DNAH8: variants seen among roughly 807,000 people sequenced by gnomAD.
DNAH8 encodes the protein axonemal beta dynein heavy chain 8.
Under a neutral mutation model 562.1 loss-of-function variants are expected in DNAH8, and 382 were observed. The ratio of observed to expected loss-of-function variants is 0.68; its 90% CI spans 0.63 to 0.74. The LOEUF (loss-of-function observed/expected upper bound fraction) is 0.74. Ranked by LOEUF, DNAH8 falls within the 30% of genes least tolerant of loss-of-function variation. The pLI is 0.00. For missense variants in DNAH8, 5,203 were observed against 5,620.4 expected (o/e 0.93, Z 2.37); for synonymous variants, 1,881 against 1,919.4 (o/e 0.98, Z 0.52).
At chr6:38,744,216 A>G (rs1275911363) in intron 8 of DNAH8, 2 of 152,160 alleles carry the variant, frequency 1.3e-5, no homozygotes, top group African/African-American at 4.8e-5. Flanking sequence ...TTTGGCATCA[A>G]TATAGTAGTG....
intron 11 of DNAH8, 57 bp from the exon 12 acceptor site, chr6:38,770,356 C>T (rs941495751): frequency 1.5e-5 from 18 of 1,218,256 alleles, no homozygotes; most frequent in Admixed American, 1.3e-4. Context: ...TTTGAATTTT[C>T]GATTCCTGAA....
intron 11 of DNAH8, chr6:38,764,794 T>A (rs904245772): frequency 4.4e-5 from 5 of 113,848 alleles, no homozygotes; most frequent in African/African-American, 1.5e-4. Flanking sequence ...TATTTGTATG[T>A]TTTTTTTTTG....
chr6:38,781,596 A>C (rs1474333766), intron 16 of DNAH8, among the ~76,000 whole-genome samples: 2 of 152,204 alleles, frequency 1.3e-5, no homozygotes, highest in Non-Finnish European at 2.9e-5. Context: ...AAAGTCAGTG[A>C]ATCTTATAAT....
chr6:38,791,633 A>T lies in DNAH8; in HGVS notation c.2860A>T (p.Ser954Cys). Residue 954 changes from serine to cysteine, a missense_variant, in exon 21 of 93, where the codon AGT becomes TGT. Physicochemically the swap from Ser to Cys is moderately radical, Grantham distance 112 (BLOSUM62 -1). Transcript: ENST00000327475. ...AKTVLISLPE[S>C]GATKVEDMLT... is the part of the protein sequence containing the mutation. ...AACTGTGTTGATTTCTCTGCCTGAA[A>T]GTGGTGCTACCAAAGTAGAAGATAT... 11 of 1,614,040 alleles carry T rather than the reference A, an allele frequency of 6.8e-6. No homozygotes were observed. Among genetic ancestry groups the T allele is most frequent in the Non-Finnish European group, 9.3e-6 (11 of 1,179,952 alleles).
intron 1 of DNAH8, among the ~76,000 whole-genome samples, chr6:38,716,208 A>G (rs1762332599): frequency 6.7e-6 from 1 of 150,124 alleles, no homozygotes; most frequent in Non-Finnish European, 1.5e-5. Context: ...TGATCCGCCC[A>G]CCTCGGCCTC....
chr6:38,772,081 T>C (rs1582961681), intron 12 of DNAH8, among the ~76,000 whole-genome samples: 1 of 147,496 alleles, frequency 6.8e-6, no homozygotes, highest in Non-Finnish European at 1.5e-5. Flanking sequence ...CAGGCCAGAG[T>C]GCAGTGGCGT....
intron 37 of DNAH8, 127 bp from the exon 38 acceptor site, chr6:38,850,124 T>C (rs1775624558): frequency 1.2e-6 from 1 of 835,810 alleles, no homozygotes. Context: ...AAATTGTCTG[T>C]TTAAATTATG....
intron 3 of DNAH8, among the ~76,000 whole-genome samples, chr6:38,729,636 A>C (rs1164333869): frequency 6.6e-6 from 1 of 152,172 alleles, no homozygotes; most frequent in African/African-American, 2.4e-5. Context: ...AGTTGGACTC[A>C]CCTATTTAAC....
chr6:38,867,081 G>C (rs1297984803), intron 47 of DNAH8, among the ~76,000 whole-genome samples: 1 of 152,134 alleles, frequency 6.6e-6, no homozygotes, highest in Non-Finnish European at 1.5e-5. Flanking sequence ...AGTTGCAAAG[G>C]AATGTACAGG....
rs546536222 is a variant in DNAH8, at chr6:38,805,574, A to T, written c.3128A>T (p.Asp1043Val). The change falls in exon 23 of 93, where the codon GAT becomes GTT. Residue 1043 changes from aspartate (D) to valine (V), a missense_variant. Coordinates refer to ENST00000327475, the MANE Select transcript of DNAH8 (RefSeq NM_001206927.2). ...ANIVNEFDTH[D>V]KEDEFKKECK... ...ATTGTGAATGAGTTTGATACTCATG[A>T]TAAAGAAGATGAATTTAAAAAGGTA... is the stretch of plus-strand genomic sequence containing the variant. The T allele has an allele frequency of 2.3e-5, 36 of 1,561,014 alleles. 1 individual carries two copies. In the South Asian group the frequency reaches 3.7e-4, roughly 16 times the overall value.
intron 4 of DNAH8, among the ~76,000 whole-genome samples, chr6:38,733,241 G>GAA: frequency 1.1e-5 from 1 of 87,068 alleles, no homozygotes; most frequent in East Asian, 2.0e-4. Flanking sequence ...GCTGCAAATA[G>GAA]AAGGCTGTTG....
At chr6:38,789,720 T>C (rs1013239455) in intron 18 of DNAH8, 83 bp from the exon 19 acceptor site, 11 of 1,049,838 alleles carry the variant, frequency 1.0e-5, no homozygotes, top group African/African-American at 1.6e-5. Context: ...ACTGGGATTA[T>C]GAAACCTTCC....
chr6:38,976,815 G>T (rs796246315), intron 85 of DNAH8, among the ~76,000 whole-genome samples: 12 of 152,250 alleles, frequency 7.9e-5, no homozygotes, highest in African/African-American at 2.4e-4. Flanking sequence ...ACAGGTATCC[G>T]TTGCTTTAAA....
chr6:38,837,060 T>C (rs1369419285), intron 32 of DNAH8, among the ~76,000 whole-genome samples: 1 of 152,150 alleles, frequency 6.6e-6, no homozygotes, highest in African/African-American at 2.4e-5. Context: ...CTTCATTCAG[T>C]ACATTTATTG....
intron 27 of DNAH8, 124 bp downstream of exon 27, chr6:38,823,158 C>T (rs755596821): frequency 1.3e-6 from 1 of 779,660 alleles, no homozygotes; most frequent in Non-Finnish European, 2.0e-6. Context: ...TCTATAAATA[C>T]CAAGCACCTG....
chr6:38,939,791 A>G (rs538991741), intron 79 of DNAH8, among the ~76,000 whole-genome samples: 3 of 152,308 alleles, frequency 2.0e-5, no homozygotes, highest in Non-Finnish European at 2.9e-5. Context: ...CTCTTTATGT[A>G]TGATTTAACC....
intron 58 of DNAH8, among the ~76,000 whole-genome samples, chr6:38,892,790 C>T (rs1779426335): frequency 6.6e-6 from 1 of 152,204 alleles, no homozygotes; most frequent in Non-Finnish European, 1.5e-5. Flanking sequence ...TCAGCAGACT[C>T]CGCTTACTTC....
At chr6:38,817,338 A>T (rs1678697) in intron 26 of DNAH8, among the ~76,000 whole-genome samples, 1 of 151,948 alleles carries the variant, frequency 6.6e-6, no homozygotes, top group South Asian at 2.1e-4. Context: ...GGGAGACTCC[A>T]TCTCCAAAAA....
intron 12 of DNAH8, among the ~76,000 whole-genome samples, chr6:38,775,019 G>A (rs1767927858): frequency 6.6e-6 from 1 of 152,190 alleles, no homozygotes; most frequent in South Asian, 2.1e-4. Context: ...CAGTGGTGGT[G>A]TCTTCATGGT....
Sources: gnomAD v4.1 joint callset for allele counts (sites outside exome capture counted in the v4.1 genomes callset) on GRCh38, gnomAD v4.1.1 for gene constraint, MANE v1.5 for transcripts, NCBI Gene and HGNC (gene_info 2026-07-23, HGNC 2026-07-21) for gene names.